Variants in SLC39A10 observed in about 807,000 individuals in gnomAD.
The protein encoded by SLC39A10 is solute carrier family 39 member 10, also known as zinc transporter ZIP10.
A neutral mutation model predicts 65.1 loss-of-function variants in SLC39A10; 13 were observed. The ratio of observed to expected loss-of-function variants is 0.20; its 90% CI spans 0.13 to 0.32. The LOEUF is 0.32. Ranked by LOEUF, SLC39A10 falls within the 10% of genes least tolerant of loss-of-function variation. The pLI, the probability that SLC39A10 is intolerant of heterozygous loss-of-function variation, is 1.00. For missense variants in SLC39A10, 831 were observed against 1,018.4 expected, an observed-to-expected ratio of 0.82 and a Z score of 2.50; for synonymous variants, 321 against 342.2, an observed-to-expected ratio of 0.94 and a Z score of 0.68.
chr2:195,690,412 C>G (rs1196145858), intron 3 of SLC39A10, among the ~76,000 whole-genome samples: 4 of 152,036 alleles, frequency 2.6e-5, no homozygotes, highest in Admixed American at 2.0e-4. Context: ...TGGAATTGCC[C>G]TATCATTTGG....
At chr2:195,695,890 C>A (rs893541879) in intron 3 of SLC39A10, among the ~76,000 whole-genome samples, 1 of 152,064 alleles carries the variant, frequency 6.6e-6, no homozygotes, top group African/African-American at 2.4e-5. Context: ...GCCCAGTTTT[C>A]TTCTAAGAGT....
intron 2 of SLC39A10, among the ~76,000 whole-genome samples, chr2:195,645,722 A>G (rs1332874083): frequency 6.6e-6 from 1 of 152,198 alleles, no homozygotes; most frequent in Non-Finnish European, 1.5e-5. Flanking sequence ...TTCACTTAGC[A>G]TAGTGTTTTT....
intron 3 of SLC39A10, 33 bp from the exon 4 acceptor site, chr2:195,706,583 T>A (rs1451213812): frequency 6.3e-7 from 1 of 1,587,494 alleles, no homozygotes. Context: ...TAAATTGTTA[T>A]ACTAATGTTG....
intron 2 of SLC39A10, among the ~76,000 whole-genome samples, chr2:195,624,947 T>A (rs1174330347): frequency 7.0e-6 from 1 of 143,868 alleles, no homozygotes; most frequent in Non-Finnish European, 1.5e-5. Flanking sequence ...GCGCAGTGAC[T>A]CACGCCTGTA....
chr2:195,660,355 G>GT lies in SLC39A10; in HGVS notation c.-12+3080dup, dbSNP rs542762770. Among the ~76,000 whole-genome samples the GT allele has an allele frequency of 1.2e-3, 184 of 152,194 alleles. 1 individual carries two copies. The highest frequency in any genetic ancestry group is 3.8e-3 in the African/African-American group (156 of 41,530). ...GAAATGTAGGGAATCAAAACAACTAGTTTTTTCCTTTATAACGGAAGTTTT... is the reference window on the plus strand; with the variant it reads ...GAAATGTAGGGAATCAAAACAACTAGTTTTTTTCCTTTATAACGGAAGTTTT... On this transcript the variant is annotated intron_variant, in intron 1 of 9. Transcript: ENST00000359634.
upstream of SLC39A10, among the ~76,000 whole-genome samples, chr2:195,655,201 G>C (rs1390718853): frequency 3.9e-5 from 6 of 152,188 alleles, no homozygotes; most frequent in Non-Finnish European, 8.8e-5. Context: ...GGAATCTTGA[G>C]AGGAAGGACT....
intron 8 of SLC39A10, among the ~76,000 whole-genome samples, chr2:195,720,984 C>T (rs1027185717): frequency 6.6e-6 from 1 of 152,134 alleles, no homozygotes; most frequent in African/African-American, 2.4e-5. Context: ...CTCTGTTGCC[C>T]AGGCTGGAGT....
At chr2:195,684,546 T>G (rs1690451318) in intron 3 of SLC39A10, among the ~76,000 whole-genome samples, 1 of 146,882 alleles carries the variant, frequency 6.8e-6, no homozygotes, top group South Asian at 2.1e-4. Context: ...TTTGTACCCC[T>G]TAATGGATCC....
intron 8 of SLC39A10, among the ~76,000 whole-genome samples, chr2:195,726,795 T>TC (rs779092111): frequency 3.3e-5 from 5 of 152,144 alleles, no homozygotes; most frequent in Non-Finnish European, 7.4e-5. Context: ...GAATAATAGA[T>TC]CATGTATTTT....
chr2:195,630,018 G>A (rs543977928), intron 2 of SLC39A10, among the ~76,000 whole-genome samples: 2 of 151,874 alleles, frequency 1.3e-5, no homozygotes, highest in East Asian at 1.9e-4. Flanking sequence ...TTACAGGAAT[G>A]AGCCACTACT....
intron 5 of SLC39A10, among the ~76,000 whole-genome samples, chr2:195,712,028 G>A (rs1691617257): frequency 6.6e-6 from 1 of 152,058 alleles, no homozygotes; most frequent in African/African-American, 2.4e-5. Context: ...GGATTCAAAT[G>A]GGGAGTTCCT....
rs559823650 is a variant in SLC39A10, at chr2:195,717,024, A to C, written c.2065+19A>C. ...GCAATTGGTAAGTGGACTGGAAACC[A>C]CTGTCTATGCTAATCTTATGGACTA... is the stretch of plus-strand genomic sequence containing the variant. On this transcript the variant is annotated intron_variant, in intron 7 of 9. Transcript: ENST00000359634. 5.0e-6 allele frequency: 8 copies of C among 1,607,410 alleles called. 1 individual carries two copies. In the South Asian group the frequency reaches 7.8e-5, roughly 16 times the overall value.
intron 9 of SLC39A10, among the ~76,000 whole-genome samples, chr2:195,730,713 C>G (rs1692407454): frequency 6.6e-6 from 1 of 152,176 alleles, no homozygotes; most frequent in South Asian, 2.1e-4. Context: ...TAACTCCAGA[C>G]TAATCCAACT....
At chr2:195,671,439 C>G (rs1689853873) in intron 1 of SLC39A10, among the ~76,000 whole-genome samples, 1 of 152,152 alleles carries the variant, frequency 6.6e-6, no homozygotes, top group South Asian at 2.1e-4. Flanking sequence ...CAGCACCTAG[C>G]AGAACTCTTC....
chr2:195,650,703 A>G (rs536760966), intron 2 of SLC39A10, among the ~76,000 whole-genome samples: 1 of 152,154 alleles, frequency 6.6e-6, no homozygotes, highest in South Asian at 2.1e-4. Flanking sequence ...CATTTCTCCA[A>G]TCTATTTTTG....
At chr2:195,660,774 T>TAAC (rs1468164291) in intron 1 of SLC39A10, among the ~76,000 whole-genome samples, 1 of 152,194 alleles carries the variant, frequency 6.6e-6, no homozygotes, top group Non-Finnish European at 1.5e-5. Flanking sequence ...GCTGTGTAAA[T>TAAC]AACAACAATT....
At chr2:195,702,850 C>T (rs1169356698) in intron 3 of SLC39A10, among the ~76,000 whole-genome samples, 1 of 152,132 alleles carries the variant, frequency 6.6e-6, no homozygotes, top group African/African-American at 2.4e-5. Flanking sequence ...GCTGAGATGT[C>T]TGTGGTGTTG....
intron 1 of SLC39A10, among the ~76,000 whole-genome samples, chr2:195,665,119 G>GT (rs1689586113): frequency 6.6e-6 from 1 of 152,180 alleles, no homozygotes; most frequent in African/African-American, 2.4e-5. Flanking sequence ...GAGGTCAGGA[G>GT]TTTGAGACTA....
At chr2:195,712,386 C>T (rs1259919125) in intron 5 of SLC39A10, among the ~76,000 whole-genome samples, 1 of 152,220 alleles carries the variant, frequency 6.6e-6, no homozygotes, top group African/African-American at 2.4e-5. Context: ...GCAGAATGCT[C>T]ATACAGGGAG....
Sources: allele counts gnomAD v4.1 joint callset (sites outside exome capture counted in the v4.1 genomes callset), GRCh38; gene constraint gnomAD v4.1.1; transcripts MANE v1.5; gene names NCBI Gene and HGNC (gene_info 2026-07-23, HGNC 2026-07-21).